Variants in ASPRV1 observed in about 807,000 individuals in gnomAD.
ASPRV1 encodes aspartic peptidase retroviral like 1.
ASPRV1 carries 7 observed loss-of-function variants against 11.0 expected under a neutral mutation model. The observed-to-expected ratio is 0.64, with a 90% CI of 0.36 to 1.20. ASPRV1 has a LOEUF of 1.20. ASPRV1 is among the 50% of genes most tolerant of loss of function. ASPRV1 has a pLI of 0.02. For synonymous variants in ASPRV1, 136 were observed against 138.4 expected (o/e 0.98, Z 0.12); for missense variants, 299 against 320.0 (o/e 0.93, Z 0.50).
At position 69,961,276 on chromosome 2, in the gene ASPRV1, A is replaced by G. The variant is rs768640958; in HGVS notation, c.161T>C (p.Leu54Pro). The change falls in exon 1 of 1, where the codon CTG (leucine) becomes CCG (proline). Residue 54 changes from leucine to proline, a missense_variant. Transcript: ENST00000320256. Reference protein sequence around the residue: ...HWDHITKLRFLKESLRGEALG... With the variant: ...HWDHITKLRFPKESLRGEALG... ...GGCCTCTCCTCTGAGGGACTCTTTC[A>G]GGAACCTTAGCTTGGTGATATGGTC... The G allele has an allele frequency of 1.9e-6, 3 of 1,613,998 alleles. No homozygotes were observed. The South Asian group carries it at 3.3e-5, about 18-fold the overall frequency.
chr2:69,958,474 T>C (rs1200247862), downstream of ASPRV1, among the ~76,000 whole-genome samples: 1 of 152,070 alleles, frequency 6.6e-6, no homozygotes, highest in African/African-American at 2.4e-5. Flanking sequence ...AGGGCTCCAC[T>C]CCGTGTGGTG....
At chr2:70,008,626 T>A in the ASPRV1 span, among the ~76,000 whole-genome samples, 1 of 151,754 alleles carries the variant, frequency 6.6e-6, no homozygotes, top group Non-Finnish European at 1.5e-5. Flanking sequence ...CATTATGAAA[T>A]GTTTTTGTGT....
At chr2:70,007,074 T>C in the ASPRV1 span, among the ~76,000 whole-genome samples, 1 of 152,248 alleles carries the variant, frequency 6.6e-6, no homozygotes, top group Non-Finnish European at 1.5e-5. Flanking sequence ...ACAAAGATTA[T>C]GTAACTTACC....
chr2:69,974,368 T>G, the ASPRV1 span, among the ~76,000 whole-genome samples: 5 of 152,048 alleles, frequency 3.3e-5, no homozygotes, highest in Non-Finnish European at 7.3e-5. Flanking sequence ...GAAGTGATGG[T>G]TTTTGAAAAT....
the ASPRV1 span, among the ~76,000 whole-genome samples, chr2:69,952,148 C>T: frequency 6.6e-6 from 1 of 152,184 alleles, no homozygotes; most frequent in South Asian, 2.1e-4. Context: ...TTACACAACA[C>T]TGGGCAAATT....
chr2:70,038,330 T>G, the ASPRV1 span, among the ~76,000 whole-genome samples: 1 of 152,312 alleles, frequency 6.6e-6, no homozygotes, highest in East Asian at 1.9e-4. Flanking sequence ...TTGAATTGCT[T>G]GAGGCCAGTG....
the ASPRV1 span, among the ~76,000 whole-genome samples, chr2:70,068,504 C>T: frequency 6.6e-6 from 1 of 152,138 alleles, no homozygotes; most frequent in African/African-American, 2.4e-5. Flanking sequence ...AGAGGAGTCA[C>T]TTCCAAAGCA....
chr2:70,017,489 C>A, the ASPRV1 span, among the ~76,000 whole-genome samples: 9 of 151,634 alleles, frequency 5.9e-5, no homozygotes, highest in South Asian at 1.9e-3. Context: ...GACAAGAATG[C>A]TTATTTCAGA....
downstream of ASPRV1, among the ~76,000 whole-genome samples, chr2:69,958,787 G>A (rs941450681): frequency 1.3e-5 from 2 of 152,068 alleles, no homozygotes; most frequent in Non-Finnish European, 2.9e-5. Flanking sequence ...GTCATCCGGA[G>A]ACCACCCTTT....
chr2:70,068,227 C>G, the ASPRV1 span, among the ~76,000 whole-genome samples: 1 of 152,208 alleles, frequency 6.6e-6, no homozygotes, highest in South Asian at 2.1e-4. Context: ...GGCCTCCTGG[C>G]CAGCAGAAAT....
At chr2:69,955,870 T>C (rs1434344966), downstream of ASPRV1, among the ~76,000 whole-genome samples, 1 of 152,002 alleles carries the variant, frequency 6.6e-6, no homozygotes, top group South Asian at 2.1e-4. Context: ...AAGTGGACTC[T>C]ATGGTTTTCT....
the ASPRV1 span, among the ~76,000 whole-genome samples, chr2:70,052,084 A>C: frequency 6.6e-6 from 1 of 152,164 alleles, no homozygotes; most frequent in African/African-American, 2.4e-5. Context: ...CATGGAGCTT[A>C]TATTCTAATG....
the ASPRV1 span, among the ~76,000 whole-genome samples, chr2:70,063,084 A>C: frequency 6.6e-6 from 1 of 152,170 alleles, no homozygotes; most frequent in African/African-American, 2.4e-5. Context: ...CCAATCTTCA[A>C]AACAGAACAC....
At chr2:70,014,825 GAA>G in the ASPRV1 span, among the ~76,000 whole-genome samples, 3 of 132,294 alleles carry the variant, frequency 2.3e-5, no homozygotes, top group Non-Finnish European at 4.8e-5. Context: ...AAAAGAAAAA[GAA>G]AAAGAGTGAA....
At chr2:70,020,669 G>A in the ASPRV1 span, among the ~76,000 whole-genome samples, 1 of 152,184 alleles carries the variant, frequency 6.6e-6, no homozygotes, top group African/African-American at 2.4e-5. Flanking sequence ...TTGAACCTGG[G>A]AGATGGAGGT....
At chr2:70,076,853 G>A in the ASPRV1 span, among the ~76,000 whole-genome samples, 3 of 152,172 alleles carry the variant, frequency 2.0e-5, no homozygotes, top group African/African-American at 4.8e-5. Flanking sequence ...TCATGAGAAC[G>A]TGTCAGTAGG....
At chr2:70,034,864 A>AG in the ASPRV1 span, 1 of 152,374 alleles carries the variant, frequency 6.6e-6, no homozygotes. Flanking sequence ...TGGTGTGCTA[A>AG]GGGTAAAAAG....
the ASPRV1 span, among the ~76,000 whole-genome samples, chr2:70,067,075 T>C: frequency 6.6e-6 from 1 of 152,234 alleles, no homozygotes; most frequent in Non-Finnish European, 1.5e-5. Context: ...GCATCTTATA[T>C]ATATTAATTC....
At chr2:70,066,260 T>C in the ASPRV1 span, among the ~76,000 whole-genome samples, 1 of 151,848 alleles carries the variant, frequency 6.6e-6, no homozygotes, top group Non-Finnish European at 1.5e-5. Flanking sequence ...TTTTTTGAGA[T>C]GGAGTTTCGC....
Sources: gnomAD v4.1 joint callset for allele counts (sites outside exome capture counted in the v4.1 genomes callset) on GRCh38, gnomAD v4.1.1 for gene constraint, MANE v1.5 for transcripts, NCBI Gene and HGNC (gene_info 2026-07-23, HGNC 2026-07-21) for gene names.